Variants in PCDH15 observed in about 807,000 individuals in gnomAD.
PCDH15 encodes protocadherin related 15, also known as protocadherin-15.
In PCDH15, 129 loss-of-function variants were observed where a neutral mutation model predicts 178.5. The ratio of observed to expected loss-of-function variants is 0.72; its 90% CI spans 0.63 to 0.84. The LOEUF (loss-of-function observed/expected upper bound fraction) is 0.84. Ranked by LOEUF, PCDH15 falls within the 40% of genes least tolerant of loss-of-function variation. The pLI, the probability that PCDH15 is intolerant of heterozygous loss-of-function variation, is 0.00. For synonymous variants in PCDH15, 800 were observed against 732.0 expected, an observed-to-expected ratio of 1.09 and a Z score of -1.50; for missense variants, 2,230 against 2,099.9, an observed-to-expected ratio of 1.06 and a Z score of -1.21.
intron 2 of PCDH15, among the ~76,000 whole-genome samples, chr10:55,110,872 A>T (rs1018015529): frequency 6.6e-6 from 1 of 152,120 alleles, no homozygotes; most frequent in Non-Finnish European, 1.5e-5. Context: ...TGTAATTATG[A>T]CAATGTTGTT....
chr10:54,906,218 A>G (rs911621000), intron 2 of PCDH15, among the ~76,000 whole-genome samples: 1 of 152,144 alleles, frequency 6.6e-6, no homozygotes, highest in Non-Finnish European at 1.5e-5. Flanking sequence ...TATTATCCAC[A>G]TCATTGAAAG....
chr10:54,170,054 C>T (rs977548885), intron 13 of PCDH15, among the ~76,000 whole-genome samples: 3 of 143,682 alleles, frequency 2.1e-5, no homozygotes, highest in South Asian at 4.4e-4. Context: ...AGCCTCTCTT[C>T]GCTTTCACTT....
At chr10:55,258,076 C>T (rs1343547107) in intron 1 of PCDH15, among the ~76,000 whole-genome samples, 3 of 152,118 alleles carry the variant, frequency 2.0e-5, no homozygotes, top group Non-Finnish European at 4.4e-5. Flanking sequence ...CCACAATATG[C>T]TATAGAAGAT....
chr10:55,163,670 C>G lies in PCDH15; in HGVS notation c.-80+2906G>C, dbSNP rs577484576. Among the ~76,000 whole-genome samples, 26 of 152,216 alleles carry G rather than the reference C, an allele frequency of 1.7e-4. 2 individuals are homozygous for G. The South Asian group carries it at 5.4e-3, about 32-fold the overall frequency. Reference sequence around the variant, plus strand: ...ACCAAGATGGTGAAGAAAGTCACCTCTGGTCATCCTCAGTAGTCATTATTC... The same window carrying G: ...ACCAAGATGGTGAAGAAAGTCACCTGTGGTCATCCTCAGTAGTCATTATTC... On this transcript the variant is annotated intron_variant, in intron 2 of 5. Transcript: ENST00000458638.
At chr10:55,229,008 G>T (rs1023763742) in intron 1 of PCDH15, among the ~76,000 whole-genome samples, 1 of 151,532 alleles carries the variant, frequency 6.6e-6, no homozygotes, top group Non-Finnish European at 1.5e-5. Flanking sequence ...GGCCCAAATG[G>T]GAATTAAGCA....
At chr10:55,001,761 T>C (rs1839801042) in intron 2 of PCDH15, among the ~76,000 whole-genome samples, 1 of 152,162 alleles carries the variant, frequency 6.6e-6, no homozygotes, top group Admixed American at 6.5e-5. Context: ...GTAGGTGGAA[T>C]GAGCCCAGTG....
At position 54,139,213 on chromosome 10, in the gene PCDH15, T is replaced by C. The variant is rs1306456171; in HGVS notation, c.1785-6206A>G. Among the ~76,000 whole-genome samples the C allele has an allele frequency of 3.3e-5, 5 of 152,276 alleles. No homozygotes were observed. In the South Asian group the frequency reaches 1.0e-3, roughly 32 times the overall value. On this transcript the variant is annotated intron_variant, in intron 14 of 37. Transcript: ENST00000644397. The stretch of plus-strand genomic sequence containing the variant: ...TTTGACAAATGAGACTAATGTAATG[T>C]TGTTAGTTGATTCTTGTGAGTTAAT...
chr10:55,428,869 G>A (rs562904497), intron 2 of PCDH15, among the ~76,000 whole-genome samples: 13 of 151,314 alleles, frequency 8.6e-5, no homozygotes, highest in South Asian at 4.2e-4. Flanking sequence ...ATTAATATCC[G>A]TTTTTCCCAT....
At position 54,737,915 on chromosome 10, in the gene PCDH15, G is replaced by A. The variant is rs369712417; in HGVS notation, c.-29+63010C>T. 2.6e-5 allele frequency among the ~76,000 whole-genome samples: 4 copies of A among 152,038 alleles called. No individual in the cohort carries two copies. The East Asian group carries it at 5.8e-4, about 22-fold the overall frequency. On this transcript the variant is annotated intron_variant, in intron 1 of 37. Transcript: ENST00000644397. ...ATCTATGCAATATGTTAGAAGTGGG[G>A]AGGCCAGAGAACTGCATTGCATGTT...
intron 21 of PCDH15, among the ~76,000 whole-genome samples, chr10:53,974,114 C>G (rs2089992524): frequency 6.6e-6 from 1 of 152,120 alleles, no homozygotes; most frequent in African/African-American, 2.4e-5. Context: ...GCCTCCCAGG[C>G]TCAAATGATT....
intron 2 of PCDH15, among the ~76,000 whole-genome samples, chr10:55,491,340 C>T (rs1840411014): frequency 6.6e-6 from 1 of 151,732 alleles, no homozygotes; most frequent in South Asian, 2.1e-4. Context: ...GACTGGGTCT[C>T]ACTTCTCCCA....
chr10:54,373,252 G>A (rs1392376957), intron 4 of PCDH15, among the ~76,000 whole-genome samples: 2 of 146,752 alleles, frequency 1.4e-5, no homozygotes, highest in Non-Finnish European at 1.5e-5. Context: ...ATAAAGTATA[G>A]GCAAAGTTTG....
chr10:54,594,079 C>T lies in PCDH15; in HGVS notation c.92-66202G>A, dbSNP rs181640209. On this transcript the variant is annotated intron_variant, in intron 2 of 37. Coordinates refer to ENST00000644397, the MANE Select transcript of PCDH15 (RefSeq NM_001384140.1). ...CACACCAGGACTCATTCCTGGCTCC[C>T]AGCAACTCCTGTGGAAGGGGTGAGT... Among the ~76,000 whole-genome samples, 4 of 152,200 alleles carry T rather than the reference C, an allele frequency of 2.6e-5. No homozygotes were observed. The East Asian group carries it at 7.8e-4, about 30-fold the overall frequency.
In PCDH15 at chr10:55,318,985, C is replaced by G. The variant is rs74976480; in HGVS notation, c.-156+614G>C. On this transcript the variant is annotated intron_variant, in intron 1 of 5. Coordinates refer to the PCDH15 transcript ENST00000458638. ...GTGTAAAAATTTTTAAGGTGAGAAT[C>G]TTATTTGTAGTAGTTTGGAGTTATT... Among the ~76,000 whole-genome samples, 786 of 152,042 alleles carry G rather than the reference C, an allele frequency of 5.2e-3. 10 individuals carry two copies. The highest frequency in any genetic ancestry group is 0.018 in the African/African-American group (740 of 41,472).
intron 28 of PCDH15, among the ~76,000 whole-genome samples, chr10:53,853,043 T>G (rs925908797): frequency 1.3e-5 from 2 of 152,058 alleles, no homozygotes; most frequent in African/African-American, 4.8e-5. Flanking sequence ...CTTACAGTTC[T>G]TATCACTACC....
rs140512723 is a variant in PCDH15, at chr10:54,672,558, G to C, written c.-28-8268C>G. The stretch of plus-strand genomic sequence containing the variant: ...CCTTTGGAGAAGGACATATGCCAGG[G>C]AACTCCAGGTGACTTCTTGGACCAG... On this transcript the variant is annotated intron_variant, in intron 1 of 37. Coordinates refer to ENST00000644397, the MANE Select transcript of PCDH15 (RefSeq NM_001384140.1). Among the ~76,000 whole-genome samples the C allele has an allele frequency of 2.9e-3, 435 of 152,180 alleles. 2 individuals carry two copies. The highest frequency in any genetic ancestry group is 9.4e-3 in the African/African-American group (392 of 41,546).
At chr10:54,156,762 G>A (rs367632732) in intron 13 of PCDH15, among the ~76,000 whole-genome samples, 14 of 152,182 alleles carry the variant, frequency 9.2e-5, no homozygotes, top group African/African-American at 2.6e-4. Flanking sequence ...TTCCACCTAC[G>A]AGCCTGTCAA....
chr10:55,429,701 T>C (rs1243900045), intron 2 of PCDH15, among the ~76,000 whole-genome samples: 1 of 152,186 alleles, frequency 6.6e-6, no homozygotes, highest in Non-Finnish European at 1.5e-5. Flanking sequence ...GCATTTTACT[T>C]ATGATATTTA....
At chr10:54,299,061 G>T (rs1468609881) in intron 8 of PCDH15, among the ~76,000 whole-genome samples, 1 of 152,186 alleles carries the variant, frequency 6.6e-6, no homozygotes, top group Non-Finnish European at 1.5e-5. Context: ...GTCTTATACT[G>T]CCGAAGCCAT....
Sources: gnomAD v4.1 joint callset for allele counts (sites outside exome capture counted in the v4.1 genomes callset) on GRCh38, gnomAD v4.1.1 for gene constraint, MANE v1.5 for transcripts, NCBI Gene and HGNC (gene_info 2026-07-23, HGNC 2026-07-21) for gene names.